The following AIG1 variants were observed in gnomAD, a reference collection of about 807,000 sequenced individuals.
AIG1 encodes the protein androgen induced 1, also known as androgen-induced gene 1 protein.
A neutral mutation model predicts 31.4 loss-of-function variants in AIG1; 23 were observed. The observed-to-expected ratio is 0.73, with a 90% confidence interval of 0.53 to 1.04. The LOEUF (loss-of-function observed/expected upper bound fraction) is 1.04, where lower values mean the gene tolerates loss of function less well. Among genes scored for constraint, AIG1 ranks in the 50% least tolerant of loss-of-function variants. AIG1 has a pLI of 0.00. For synonymous variants in AIG1, 100 were observed against 110.5 expected, an observed-to-expected ratio of 0.90 and a Z score of 0.60; for missense variants, 274 against 295.0, an observed-to-expected ratio of 0.93 and a Z score of 0.52.
intron 1 of AIG1, among the ~76,000 whole-genome samples, chr6:143,082,706 G>A (rs1037417878): frequency 6.6e-6 from 1 of 152,130 alleles, no homozygotes. Context: ...ACTCAGGTAT[G>A]CCACGGGTTG....
intron 3 of AIG1, among the ~76,000 whole-genome samples, chr6:143,206,158 A>G (rs1791092638): frequency 6.6e-6 from 1 of 152,246 alleles, no homozygotes; most frequent in Non-Finnish European, 1.5e-5. Flanking sequence ...CATGTGTGAC[A>G]TGGCATAAAC....
intron 3 of AIG1, among the ~76,000 whole-genome samples, chr6:143,265,456 A>G (rs962926913): frequency 1.3e-5 from 2 of 152,068 alleles, no homozygotes; most frequent in Non-Finnish European, 2.9e-5. Flanking sequence ...TCACCTGATA[A>G]TGTCTCAGTC....
At chr6:143,105,512 G>A (rs1780721553) in intron 1 of AIG1, among the ~76,000 whole-genome samples, 1 of 152,216 alleles carries the variant, frequency 6.6e-6, no homozygotes, top group Non-Finnish European at 1.5e-5. Flanking sequence ...TAAACACTAT[G>A]GAGAGTGGGT....
At chr6:143,224,590 A>AT (rs1176177001) in intron 3 of AIG1, among the ~76,000 whole-genome samples, 1 of 152,240 alleles carries the variant, frequency 6.6e-6, no homozygotes, top group East Asian at 1.9e-4. Flanking sequence ...GTTAATAATT[A>AT]TTCCATGACC....
At chr6:143,242,466 C>T (rs1438792245) in intron 3 of AIG1, among the ~76,000 whole-genome samples, 2 of 152,180 alleles carry the variant, frequency 1.3e-5, no homozygotes, top group Non-Finnish European at 2.9e-5. Flanking sequence ...GGCATTATCC[C>T]CATTTTTCAG....
chr6:143,169,666 T>C (rs1421023090), intron 3 of AIG1, among the ~76,000 whole-genome samples: 2 of 152,126 alleles, frequency 1.3e-5, no homozygotes, highest in African/African-American at 4.8e-5. Context: ...AGCTCATCAT[T>C]TTTAGCTCCA....
chr6:143,218,196 T>C (rs1415393363), intron 3 of AIG1, among the ~76,000 whole-genome samples: 1 of 152,218 alleles, frequency 6.6e-6, no homozygotes, highest in Non-Finnish European at 1.5e-5. Flanking sequence ...TATTTAGTTG[T>C]GGGATATTTG....
chr6:143,100,372 C>T (rs558554346), intron 1 of AIG1, among the ~76,000 whole-genome samples: 4 of 152,136 alleles, frequency 2.6e-5, no homozygotes, highest in African/African-American at 7.2e-5. Context: ...TTTGATTTCA[C>T]GATTTTGTCT....
intron 4 of AIG1, among the ~76,000 whole-genome samples, chr6:143,323,139 G>A (rs540183926): frequency 2.6e-5 from 4 of 152,256 alleles, no homozygotes; most frequent in South Asian, 4.1e-4. Flanking sequence ...CCAAATATAC[G>A]TAGGCAGGAC....
intron 1 of AIG1, chr6:143,061,431 GAGA>G (rs781537524): frequency 4.4e-5 from 17 of 384,894 alleles, no homozygotes; most frequent in Non-Finnish European, 7.2e-5. Context: ...TGAATGGCCT[GAGA>G]CCCATTCGCC....
At chr6:143,189,825 C>T in intron 3 of AIG1, 1 of 974,522 alleles carries the variant, frequency 1.0e-6, no homozygotes, top group Admixed American at 6.1e-5. Context: ...AGAGATATAT[C>T]TTAGTCCATT....
intron 3 of AIG1, among the ~76,000 whole-genome samples, chr6:143,266,229 C>A (rs974061902): frequency 3.3e-5 from 5 of 151,744 alleles, no homozygotes; most frequent in African/African-American, 1.2e-4. Context: ...CGCCTGTAAT[C>A]CCAGCTACTC....
intron 3 of AIG1, among the ~76,000 whole-genome samples, chr6:143,241,132 C>G (rs1338131511): frequency 6.6e-6 from 1 of 152,074 alleles, no homozygotes. Flanking sequence ...CCATAAAACA[C>G]AGCCTTTACA....
chr6:143,187,279 A>C (rs1583454946), intron 3 of AIG1: 1 of 912,972 alleles, frequency 1.1e-6, no homozygotes, highest in African/African-American at 1.6e-5. Flanking sequence ...TCTTGGCTTA[A>C]ACTGAGAATT....
At position 143,080,465 on chromosome 6, in the gene AIG1, G is replaced by A. The variant is rs113487153; in HGVS notation, c.141+19399G>A. On this transcript the variant is annotated intron_variant, in intron 1 of 5. Transcript: ENST00000357847. ...AGTGCAGGGGCATATGAGTGTGGGC[G>A]GTGCAAGTGGGGTTTCCTTTAGAAA... 3.0e-3 allele frequency among the ~76,000 whole-genome samples: 454 copies of A among 152,024 alleles called. 4 individuals carry two copies. The highest frequency in any genetic ancestry group is 0.01 in the African/African-American group (434 of 41,436).
At chr6:143,173,181 G>A (rs1787806307) in intron 3 of AIG1, among the ~76,000 whole-genome samples, 1 of 151,988 alleles carries the variant, frequency 6.6e-6, no homozygotes, top group South Asian at 2.1e-4. Context: ...TCAGCCTCCT[G>A]AGTAGCTAGG....
At chr6:143,124,415 C>A (rs1310378049) in intron 1 of AIG1, among the ~76,000 whole-genome samples, 1 of 152,298 alleles carries the variant, frequency 6.6e-6, no homozygotes, top group African/African-American at 2.4e-5. Flanking sequence ...TTTCCTGCAG[C>A]CCTCCCAACG....
chr6:143,306,786 C>T lies in AIG1; in HGVS notation c.515+22561C>T, dbSNP rs1187327753. Among the ~76,000 whole-genome samples the T allele has an allele frequency of 2.2e-4, 33 of 152,068 alleles. No individual in the cohort carries two copies. The East Asian group carries it at 4.1e-3, about 19-fold the overall frequency. ...GGGGAAGTTCTCCTGGATAATATCCCGCAGAGTGTTTTCCAACTTGGTTCC... is the reference window on the plus strand; with the variant it reads ...GGGGAAGTTCTCCTGGATAATATCCTGCAGAGTGTTTTCCAACTTGGTTCC... On this transcript the variant is annotated intron_variant, in intron 4 of 5. Coordinates refer to ENST00000357847, the MANE Select transcript of AIG1 (RefSeq NM_016108.4).
chr6:143,114,970 G>GC (rs1389501098), intron 1 of AIG1, among the ~76,000 whole-genome samples: 18 of 152,172 alleles, frequency 1.2e-4, no homozygotes, highest in African/African-American at 4.3e-4. Flanking sequence ...CATCCAAGTA[G>GC]GGTTTGTTGT....
Sources: allele counts gnomAD v4.1 joint callset (sites outside exome capture counted in the v4.1 genomes callset), GRCh38; gene constraint gnomAD v4.1.1; transcripts MANE v1.5; gene names NCBI Gene and HGNC (gene_info 2026-07-23, HGNC 2026-07-21).